SNX29: variants seen among roughly 807,000 people sequenced by gnomAD.
The protein encoded by SNX29 is sorting nexin-29.
SNX29 carries 78 observed loss-of-function variants against 102.1 expected under a neutral mutation model. The ratio of observed to expected loss-of-function variants is 0.76; its 90% CI spans 0.64 to 0.92. The LOEUF is 0.92. SNX29 is among the 40% of genes least tolerant of loss of function. SNX29 has a pLI of 0.00. For synonymous variants in SNX29, 580 were observed against 414.5 expected, an observed-to-expected ratio of 1.40 and a Z score of -4.85; for missense variants, 1,280 against 1,061.7, an observed-to-expected ratio of 1.21 and a Z score of -2.86.
intron 11 of SNX29, chr16:12,087,848 G>C (rs767115103): frequency 2.2e-6 from 1 of 456,944 alleles, no homozygotes. Flanking sequence ...GGTTGACGTG[G>C]CTGGGAAGCA....
chr16:12,322,780 T>C (rs2080982295), intron 15 of SNX29, among the ~76,000 whole-genome samples: 1 of 151,426 alleles, frequency 6.6e-6, no homozygotes, highest in South Asian at 2.1e-4. Context: ...CAGGATGCAG[T>C]CAGTAGGGGG....
At chr16:12,423,193 G>A (rs1001457506) in intron 18 of SNX29, among the ~76,000 whole-genome samples, 1 of 151,536 alleles carries the variant, frequency 6.6e-6, no homozygotes, top group East Asian at 1.9e-4. Context: ...AATGCATGGG[G>A]TTGTTTTTTT....
At chr16:11,994,141 A>G (rs2055966395) in intron 1 of SNX29, among the ~76,000 whole-genome samples, 1 of 152,226 alleles carries the variant, frequency 6.6e-6, no homozygotes, top group Non-Finnish European at 1.5e-5. Context: ...AACAACAACA[A>G]AACATTAAAG....
intron 19 of SNX29, among the ~76,000 whole-genome samples, chr16:12,498,947 C>T (rs780312630): frequency 2.6e-5 from 4 of 152,144 alleles, no homozygotes; most frequent in Non-Finnish European, 5.9e-5. Context: ...GCAGAAGGGG[C>T]TTTGTATGCT....
At chr16:12,539,598 A>G (rs939740827) in intron 20 of SNX29, among the ~76,000 whole-genome samples, 2 of 152,214 alleles carry the variant, frequency 1.3e-5, no homozygotes, top group African/African-American at 4.8e-5. Context: ...TGTGCGGCAA[A>G]TACCTAAGAG....
chr16:12,070,389 C>T (rs938984605), intron 10 of SNX29, among the ~76,000 whole-genome samples: 6 of 142,048 alleles, frequency 4.2e-5, no homozygotes, highest in African/African-American at 1.6e-4. Context: ...CATGTGTTCT[C>T]ATTGTTCAAT....
At chr16:12,182,369 A>C (rs144050179) in intron 13 of SNX29, among the ~76,000 whole-genome samples, 58 of 152,262 alleles carry the variant, frequency 3.8e-4, no homozygotes, top group African/African-American at 1.3e-3. Flanking sequence ...GGGTGAAATT[A>C]AAGGCGAACA....
rs753766143 is a variant in SNX29, at chr16:12,568,434, C to T, written c.2319-72C>T. The T allele has an allele frequency of 2.4e-5, 38 of 1,581,534 alleles. No homozygotes were observed. In the South Asian group the frequency reaches 2.5e-4, roughly 10 times the overall value. ...AGATCCCTCCTGCCCTCACACCTGG[C>T]TCCCCTTCCTGGCCTGTGGTCATTT... On this transcript the variant is annotated intron_variant, in intron 20 of 20. Coordinates refer to ENST00000566228, the MANE Select transcript of SNX29 (RefSeq NM_032167.5).
At chr16:12,567,395 C>A (rs1414636138) in intron 20 of SNX29, among the ~76,000 whole-genome samples, 1 of 152,212 alleles carries the variant, frequency 6.6e-6, no homozygotes, top group African/African-American at 2.4e-5. Context: ...GAGGTATTTA[C>A]TTCCTATTCA....
chr16:12,268,589 C>T lies in SNX29; in HGVS notation c.1679-9344C>T, dbSNP rs2079002614. Among the ~76,000 whole-genome samples the T allele has an allele frequency of 2.0e-5, 3 of 152,214 alleles. No homozygotes were observed. The South Asian group carries it at 6.2e-4, about 32-fold the overall frequency. On this transcript the variant is annotated intron_variant, in intron 14 of 20. Transcript: ENST00000566228. ...CATCTCACCTGGAAGGGTCCTTTCTCCTTCGGAACTGTAAAGTGTCCCAAA... is the reference window on the plus strand; with the variant it reads ...CATCTCACCTGGAAGGGTCCTTTCTTCTTCGGAACTGTAAAGTGTCCCAAA...
chr16:12,018,675 T>C (rs1315081272), intron 3 of SNX29, among the ~76,000 whole-genome samples: 3 of 152,070 alleles, frequency 2.0e-5, no homozygotes. Context: ...AGTCAACTTT[T>C]AATGTTATGG....
intron 20 of SNX29, among the ~76,000 whole-genome samples, chr16:12,553,875 A>C (rs1229066302): frequency 2.7e-5 from 4 of 147,192 alleles, no homozygotes; most frequent in African/African-American, 5.1e-5. Context: ...ATGGAGTCTC[A>C]CTCTTTTGCC....
intron 11 of SNX29, among the ~76,000 whole-genome samples, chr16:12,122,095 C>T (rs938733967): frequency 7.2e-5 from 11 of 152,190 alleles, no homozygotes; most frequent in African/African-American, 2.2e-4. Context: ...GCATCACAGG[C>T]GTGAGCCACT....
At chr16:12,538,411 A>G (rs539034088) in intron 20 of SNX29, among the ~76,000 whole-genome samples, 2 of 152,098 alleles carry the variant, frequency 1.3e-5, no homozygotes, top group Non-Finnish European at 2.9e-5. Flanking sequence ...TTTTAAAATG[A>G]TGTCTGGGAG....
At chr16:12,416,352 C>G (rs1425473254) in intron 18 of SNX29, among the ~76,000 whole-genome samples, 2 of 152,176 alleles carry the variant, frequency 1.3e-5, no homozygotes, top group Non-Finnish European at 2.9e-5. Flanking sequence ...TTCTGGTGAT[C>G]TGTTGCGCAG....
intron 19 of SNX29, among the ~76,000 whole-genome samples, chr16:12,491,367 A>G (rs569984898): frequency 6.6e-6 from 1 of 152,348 alleles, no homozygotes; most frequent in East Asian, 1.9e-4. Context: ...AGATGGCAGC[A>G]CCAGTGGTTC....
chr16:12,489,149 T>C (rs1391511363), intron 19 of SNX29, among the ~76,000 whole-genome samples: 1 of 152,192 alleles, frequency 6.6e-6, no homozygotes, highest in Non-Finnish European at 1.5e-5. Flanking sequence ...CTCTTACCCT[T>C]TTGAGTAGTT....
intron 18 of SNX29, among the ~76,000 whole-genome samples, chr16:12,474,215 G>T (rs543093950): frequency 3.3e-5 from 5 of 152,142 alleles, no homozygotes; most frequent in African/African-American, 9.7e-5. Flanking sequence ...GGGAGTGTTC[G>T]TACCATCTGC....
At chr16:12,552,303 C>A (rs189727669) in intron 20 of SNX29, among the ~76,000 whole-genome samples, 1 of 152,162 alleles carries the variant, frequency 6.6e-6, no homozygotes, top group African/African-American at 2.4e-5. Flanking sequence ...GTTTCCTCTT[C>A]TAGAAGAGGT....
Sources: gnomAD v4.1 joint callset for allele counts (sites outside exome capture counted in the v4.1 genomes callset) on GRCh38, gnomAD v4.1.1 for gene constraint, MANE v1.5 for transcripts, NCBI Gene and HGNC (gene_info 2026-07-23, HGNC 2026-07-21) for gene names.